The following STARD9 variants were observed in gnomAD, a reference collection of about 807,000 sequenced individuals.
STARD9 encodes stAR-related lipid transfer protein 9.
A neutral mutation model predicts 399.8 loss-of-function variants in STARD9; 346 were observed. That is an observed-to-expected ratio of 0.87 (90% CI 0.79 to 0.95). STARD9 has a LOEUF of 0.95. STARD9 is among the 40% of genes least tolerant of loss of function. The pLI, the probability that STARD9 is intolerant of heterozygous loss-of-function variation, is 0.00. For missense variants in STARD9, 5,832 were observed against 5,667.5 expected (o/e 1.03, Z -0.93); for synonymous variants, 2,203 against 2,143.5 (o/e 1.03, Z -0.77).
chr15:42,659,320 G>GA (rs2059945889), intron 9 of STARD9, among the ~76,000 whole-genome samples: 2 of 152,124 alleles, frequency 1.3e-5, no homozygotes, highest in Non-Finnish European at 2.9e-5. Flanking sequence ...TTAGGGAGTT[G>GA]AAAAAATTCT....
intron 28 of STARD9, among the ~76,000 whole-genome samples, chr15:42,717,436 A>T (rs2061371056): frequency 6.6e-6 from 1 of 152,016 alleles, no homozygotes; most frequent in South Asian, 2.1e-4. Flanking sequence ...CAGCCTGGGC[A>T]ACATGGTGAG....
chr15:42,583,505 G>A, intron 2 of STARD9, 90 bp downstream of exon 2: 13 of 931,044 alleles, frequency 1.4e-5, no homozygotes, highest in Non-Finnish European at 2.1e-5. Context: ...ATGTGAATGT[G>A]TTTAGAGTTG....
chr15:42,588,060 G>T (rs1481961473), intron 3 of STARD9, among the ~76,000 whole-genome samples: 1 of 152,240 alleles, frequency 6.6e-6, no homozygotes, highest in African/African-American at 2.4e-5. Flanking sequence ...TCTGTTAGCG[G>T]AAAGTATGAG....
intron 26 of STARD9, among the ~76,000 whole-genome samples, chr15:42,707,237 C>T (rs1472278885): frequency 6.6e-6 from 1 of 152,124 alleles, no homozygotes; most frequent in African/African-American, 2.4e-5. Flanking sequence ...GATATTGGAA[C>T]CATTACAGGT....
intron 3 of STARD9, among the ~76,000 whole-genome samples, chr15:42,594,042 A>G (rs2058456379): frequency 6.6e-6 from 1 of 152,192 alleles, no homozygotes; most frequent in Non-Finnish European, 1.5e-5. Context: ...ATACATCATT[A>G]CTTATGTCAA....
intron 3 of STARD9, among the ~76,000 whole-genome samples, chr15:42,586,949 G>T (rs2058289350): frequency 6.6e-6 from 1 of 151,658 alleles, no homozygotes; most frequent in African/African-American, 2.4e-5. Flanking sequence ...CTTTCTTCTG[G>T]GCTGAAAGTG....
At chr15:42,680,890 C>T (rs115454294) in intron 20 of STARD9, among the ~76,000 whole-genome samples, 3 of 152,258 alleles carry the variant, frequency 2.0e-5, no homozygotes, top group African/African-American at 7.2e-5. Context: ...GTCACACACA[C>T]ACAGGCGTGG....
chr15:42,595,956 A>T (rs559065086), intron 3 of STARD9, among the ~76,000 whole-genome samples: 1 of 152,302 alleles, frequency 6.6e-6, no homozygotes, highest in South Asian at 2.1e-4. Context: ...TTGACTGTGA[A>T]TCTTTAAAGA....
In STARD9 at chr15:42,688,503, A is replaced by G. The variant is rs779919156; in HGVS notation, c.6925A>G (p.Arg2309Gly). 5 of 1,537,814 alleles carry G rather than the reference A, an allele frequency of 3.3e-6. No homozygotes were observed. The African/African-American group carries it at 4.1e-5, about 13-fold the overall frequency. ...LSQLCRDTFF[R>G]QETVSPLLSR... ...CCAGCTTTGTAGGGACACGTTTTTC[A>G]GGCAGGAAACTGTCAGCCCATTACT... The change falls in exon 23 of 33, where the codon AGG becomes GGG. Residue 2309 changes from arginine to glycine, a missense_variant. Arg to Gly is a moderately radical substitution (Grantham distance 125). Transcript: ENST00000290607.
At chr15:42,708,838 G>A (rs1322759866) in intron 26 of STARD9, among the ~76,000 whole-genome samples, 1 of 151,542 alleles carries the variant, frequency 6.6e-6, no homozygotes, top group African/African-American at 2.4e-5. Flanking sequence ...ATGCGTTTTT[G>A]GCAAAAAAAA....
rs2060526328 is a variant in STARD9, at chr15:42,685,365, G to A, written c.3787G>A (p.Ala1263Thr). ...RLGPINYRTA[A>T]RLDAVLPMSS... ...TGGTCCCATCAACTACAGAACAGCA[G>A]CTAGGCTGGATGCCGTCCTGCCAAT... Residue 1263 changes from alanine (A) to threonine (T), a missense_variant, in exon 23 of 33, where the codon GCT becomes ACT. Around this residue, in one of 2 missense-constraint regions of STARD9, gnomAD observed 5,828 missense variants for 5,651.1 expected, o/e 1.03. Transcript: ENST00000290607. The A allele has an allele frequency of 6.5e-7, 1 of 1,537,124 alleles. No individual in the cohort carries two copies. The highest frequency in any genetic ancestry group is 8.7e-7 in the Non-Finnish European group (1 of 1,146,930).
intron 3 of STARD9, among the ~76,000 whole-genome samples, chr15:42,634,651 G>A (rs1480679196): frequency 1.3e-5 from 2 of 152,110 alleles, no homozygotes; most frequent in Non-Finnish European, 2.9e-5. Context: ...AGATACACTA[G>A]GCACTTAAAA....
At chr15:42,595,510 A>G (rs2058484464) in intron 3 of STARD9, among the ~76,000 whole-genome samples, 1 of 152,232 alleles carries the variant, frequency 6.6e-6, no homozygotes, top group Non-Finnish European at 1.5e-5. Context: ...CTGACAAGAT[A>G]GGACTCTGCC....
chr15:42,694,202 C>T lies in STARD9; in HGVS notation c.12624C>T (p.Leu4208=). The change falls in exon 23 of 33, where the codon CTC becomes CTT. Residue 4208 remains leucine, a synonymous_variant. Coordinates refer to ENST00000290607, the MANE Select transcript of STARD9 (RefSeq NM_020759.3). ...PLQVGAQNLS[L]SVELTEAKLH... ...AAGTTGGGGCCCAGAACCTCTCACT[C>T]AGCGTGGAACTCACAGAAGCGAAAC... 6.5e-7 allele frequency: 1 copy of T among 1,535,786 alleles called. No homozygotes were observed. Among genetic ancestry groups the T allele is most frequent in the South Asian group, 1.2e-5 (1 of 83,766 alleles).
intron 3 of STARD9, among the ~76,000 whole-genome samples, chr15:42,602,825 C>T (rs982347397): frequency 2.0e-5 from 3 of 152,210 alleles, no homozygotes; most frequent in African/African-American, 4.8e-5. Context: ...TACAAAGTTG[C>T]AAATGAAGCC....
chr15:42,617,117 A>G (rs1436977935), intron 3 of STARD9, among the ~76,000 whole-genome samples: 1 of 152,200 alleles, frequency 6.6e-6, no homozygotes, highest in African/African-American at 2.4e-5. Context: ...CTAACAATTC[A>G]CCTTACACAG....
At chr15:42,707,252 A>G (rs1455441686) in intron 26 of STARD9, among the ~76,000 whole-genome samples, 2 of 152,214 alleles carry the variant, frequency 1.3e-5, no homozygotes, top group Non-Finnish European at 2.9e-5. Context: ...ACAGGTTCCT[A>G]TGACTCAGCA....
At chr15:42,700,831 A>C (rs930408512) in intron 26 of STARD9, among the ~76,000 whole-genome samples, 17 of 152,166 alleles carry the variant, frequency 1.1e-4, no homozygotes, top group Non-Finnish European at 2.5e-4. Context: ...GTCTTGTCCA[A>C]AAATTCCTTT....
At chr15:42,590,684 A>G (rs1230755156) in intron 3 of STARD9, among the ~76,000 whole-genome samples, 1 of 152,232 alleles carries the variant, frequency 6.6e-6, no homozygotes, top group Non-Finnish European at 1.5e-5. Flanking sequence ...GTATTGTGCC[A>G]GTATCTGCTG....
Sources: gnomAD v4.1 joint callset for allele counts (sites outside exome capture counted in the v4.1 genomes callset) on GRCh38, gnomAD v4.1.1 for gene constraint, gnomAD v4.1.1 regional missense constraint, MANE v1.5 for transcripts, NCBI Gene and HGNC (gene_info 2026-07-23, HGNC 2026-07-21) for gene names.